The following SUPT5H variants were observed in gnomAD, a reference collection of about 807,000 sequenced individuals.
SUPT5H encodes transcription elongation factor SPT5.
SUPT5H carries 24 observed loss-of-function variants against 142.5 expected under a neutral mutation model. The ratio of observed to expected loss-of-function variants is 0.17; its 90% CI spans 0.12 to 0.24. The LOEUF (loss-of-function observed/expected upper bound fraction) is 0.24, where lower values mean the gene tolerates loss of function less well. Among genes scored for constraint, SUPT5H ranks in the 10% least tolerant of loss-of-function variants. SUPT5H has a pLI of 1.00. For synonymous variants in SUPT5H, 546 were observed against 553.0 expected (o/e 0.99, Z 0.18); for missense variants, 893 against 1,471.8 (o/e 0.61, Z 6.43).
rs931426693 is a variant in SUPT5H, at chr19:39,474,861, G to A, written c.3024+143G>A. 3.2e-6 allele frequency: 3 copies of A among 930,654 alleles called. No homozygotes were observed. The highest frequency in any genetic ancestry group is 4.8e-6 in the Non-Finnish European group (3 of 622,398). The allele number at this position is 930,654 out of a possible 1,614,324, so 57.6% of individuals were successfully genotyped here. On this transcript the variant is annotated intron_variant, in intron 28 of 29. Coordinates refer to ENST00000432763, the MANE Select transcript of SUPT5H (RefSeq NM_001111020.3). The surrounding 1 kb of genome is among the most constrained non-coding windows in gnomAD (Gnocchi z 6.5). ...AAGCCTAGAGGGCAAGGGGAGCTAT[G>A]TGAACCCAAAGGAGGCATCTTACCT... is the stretch of plus-strand genomic sequence containing the variant.
At position 39,473,338 on chromosome 19, in the gene SUPT5H, C is replaced by A; in HGVS notation, c.2386+8C>A. 6.2e-7 allele frequency: 1 copy of A among 1,613,670 alleles called. No homozygotes were observed. The highest frequency in any genetic ancestry group is 8.5e-7 in the Non-Finnish European group (1 of 1,179,920). On this transcript the variant is annotated splice_region_variant and intron_variant, in intron 24 of 29. Coordinates refer to ENST00000432763, the MANE Select transcript of SUPT5H (RefSeq NM_001111020.3). This position sits in a 1 kb window ranked among gnomAD's most constrained non-coding sequence, Gnocchi z 5.8. ...AGACACCCCTCCAGGATGGTGAGTG[C>A]CCGCAGGGGACAGGGAAGAGGGGCT...
intron 2 of SUPT5H, among the ~76,000 whole-genome samples, chr19:39,446,239 T>C (rs1600688599): frequency 6.6e-6 from 1 of 152,290 alleles, no homozygotes. Context: ...TTTTTTTTTT[T>C]AGTTATGTCT....
chr19:39,462,776 C>G (rs1600711711), intron 10 of SUPT5H, among the ~76,000 whole-genome samples: 1 of 151,558 alleles, frequency 6.6e-6, no homozygotes, highest in Non-Finnish European at 1.5e-5. Context: ...GGTGATCGGC[C>G]CACCTCGGCC....
intron 10 of SUPT5H, among the ~76,000 whole-genome samples, chr19:39,463,934 A>G (rs1036020598): frequency 6.6e-6 from 1 of 151,442 alleles, no homozygotes; most frequent in East Asian, 1.9e-4. Flanking sequence ...TTTGTCTTAA[A>G]GTATATTTTG....
intron 9 of SUPT5H, 49 bp from the exon 10 acceptor site, chr19:39,459,843 C>A: frequency 6.3e-7 from 1 of 1,597,218 alleles, no homozygotes; most frequent in South Asian, 1.1e-5. Flanking sequence ...TTTCCTGTGT[C>A]CTTTCCTCCA....
intron 3 of SUPT5H, among the ~76,000 whole-genome samples, chr19:39,455,457 G>A (rs2079075188): frequency 6.6e-6 from 1 of 151,826 alleles, no homozygotes; most frequent in Non-Finnish European, 1.5e-5. Flanking sequence ...AGCTACTTGG[G>A]AGGCTGAGGC....
rs771135422 is a variant in SUPT5H, at chr19:39,472,576, G to T, written c.2035+83G>T. The T allele has an allele frequency of 8.6e-6, 13 of 1,511,920 alleles. No homozygotes were observed. The highest frequency in any genetic ancestry group is 1.2e-5 in the Non-Finnish European group (13 of 1,097,484). 93.7% of individuals were successfully genotyped at this position (1,511,920 alleles called of 1,614,324 possible). On this transcript the variant is annotated intron_variant, in intron 21 of 29. Coordinates refer to ENST00000432763, the MANE Select transcript of SUPT5H (RefSeq NM_001111020.3). The surrounding 1 kb of genome is among the most constrained non-coding windows in gnomAD (Gnocchi z 4.2). ...GTTGTTCAGCCTACACTCACTGAGT[G>T]CCTGTGCTGGGCTGGGCACTGCTAT...
chr19:39,473,898 G>A lies in SUPT5H; in HGVS notation c.2493-65G>A. The A allele has an allele frequency of 2.5e-6, 4 of 1,605,276 alleles. No individual in the cohort carries two copies. Among genetic ancestry groups the A allele is most frequent in the Non-Finnish European group, 3.4e-6 (4 of 1,172,802 alleles). ...TTCAGTTGGGGGTCTGGTGTAGGGTGCTGTTCTGGAAGCATCCATCGCATT... is the reference window on the plus strand; with the variant it reads ...TTCAGTTGGGGGTCTGGTGTAGGGTACTGTTCTGGAAGCATCCATCGCATT... On this transcript the variant is annotated intron_variant, in intron 25 of 29. Coordinates refer to ENST00000432763, the MANE Select transcript of SUPT5H (RefSeq NM_001111020.3). The surrounding 1 kb of genome is among the most constrained non-coding windows in gnomAD (Gnocchi z 5.8).
Position 39,458,547 on chromosome 19 carries a change from G to C in SUPT5H, c.319+242G>C. 4.9e-6 allele frequency: 4 copies of C among 816,106 alleles called. No homozygotes were observed. Among genetic ancestry groups the C allele is most frequent in the Non-Finnish European group, 7.7e-6 (4 of 520,228 alleles). 50.6% of individuals were successfully genotyped at this position (816,106 alleles called of 1,614,324 possible). ...CATTTGTGGGTGGTAGCGATGTGTG[G>C]GGTGGGGTGCAGTCCAGGGTGTGCC... On this transcript the variant is annotated intron_variant, in intron 5 of 29. Transcript: ENST00000432763. This position sits in a 1 kb window ranked among gnomAD's most constrained non-coding sequence, Gnocchi z 4.2.
At chr19:39,467,244 G>T (rs761076637) in intron 13 of SUPT5H, among the ~76,000 whole-genome samples, 1 of 151,904 alleles carries the variant, frequency 6.6e-6, no homozygotes, top group Non-Finnish European at 1.5e-5. Context: ...TTAGCCAAGG[G>T]TTGTGGTCAG....
rs975108142 is a variant in SUPT5H at position 39,473,937 on chromosome 19, C to A, written c.2493-26C>A. On this transcript the variant is annotated intron_variant, in intron 25 of 29. Transcript: ENST00000432763. This position sits in a 1 kb window ranked among gnomAD's most constrained non-coding sequence, Gnocchi z 5.8. ...ATCCATCGCATTATCACCACAGTCG[C>A]TGTCAACAGACTTTTCTCCCAACAG... 1 of 1,613,684 alleles carries A rather than the reference C, an allele frequency of 6.2e-7. No homozygotes were observed. Among genetic ancestry groups the A allele is most frequent in the Non-Finnish European group, 8.5e-7 (1 of 1,179,954 alleles).
Position 39,466,434 on chromosome 19 carries a change from A to C in SUPT5H, c.877-46A>C, listed in dbSNP as rs777946443. The C allele has an allele frequency of 3.5e-4, 539 of 1,554,296 alleles. No individual in the cohort carries two copies. Among genetic ancestry groups the C allele is most frequent in the Non-Finnish European group, 3.9e-4 (434 of 1,127,270 alleles). On this transcript the variant is annotated intron_variant, in intron 11 of 29. Coordinates refer to ENST00000432763, the MANE Select transcript of SUPT5H (RefSeq NM_001111020.3). This position sits in a 1 kb window ranked among gnomAD's most constrained non-coding sequence, Gnocchi z 4.3. The stretch of plus-strand genomic sequence containing the variant: ...CCTGACCCTTCTTGTGTCTGGGGTC[A>C]GGGAGGAGAGTGGGGCCCTGCTGAC...
chr19:39,446,490 A>G (rs1232338006), intron 2 of SUPT5H, among the ~76,000 whole-genome samples: 1 of 152,204 alleles, frequency 6.6e-6, no homozygotes, highest in East Asian at 1.9e-4. Flanking sequence ...CTGAGGGGTG[A>G]CATTTGAGCA....
Position 39,476,331 on chromosome 19 carries a change from C to T in SUPT5H, c.3196C>T (p.Arg1066Cys). ...LSIDGEDGIVRMDLDEQLKIL... is the reference protein window; with the variant it reads ...LSIDGEDGIVCMDLDEQLKIL... ...CATTGATGGTGAGGATGGCATTGTC[C>T]GTATGGACCTTGATGAGCAGCTCAA... Residue 1066 changes from arginine to cysteine, a missense_variant, in exon 30 of 30, where the codon CGT becomes TGT. Arg to Cys is a radical substitution (Grantham distance 180). Coordinates refer to ENST00000432763, the MANE Select transcript of SUPT5H (RefSeq NM_001111020.3). 1 of 1,614,070 alleles carries T rather than the reference C, an allele frequency of 6.2e-7. No individual in the cohort carries two copies. Among genetic ancestry groups the T allele is most frequent in the Non-Finnish European group, 8.5e-7 (1 of 1,180,012 alleles).
At chr19:39,461,821 C>CAAAAAAAAA (rs747295729) in intron 10 of SUPT5H, among the ~76,000 whole-genome samples, 1 of 128,414 alleles carries the variant, frequency 7.8e-6, no homozygotes, top group Non-Finnish European at 1.7e-5. Flanking sequence ...GAGACTGTCT[C>CAAAAAAAAA]AAAAAAAAAA....
chr19:39,457,974 C>T (rs1443864706), intron 4 of SUPT5H: 3 of 836,982 alleles, frequency 3.6e-6, no homozygotes, highest in Non-Finnish European at 5.8e-6. Context: ...TCTGGGATCC[C>T]AGGGCCCAGT....
chr19:39,470,061 A>C lies in SUPT5H; in HGVS notation c.1375-58A>C, dbSNP rs530747842. On this transcript the variant is annotated intron_variant, in intron 16 of 29. Coordinates refer to ENST00000432763, the MANE Select transcript of SUPT5H (RefSeq NM_001111020.3). The surrounding 1 kb of genome is among the most constrained non-coding windows in gnomAD (Gnocchi z 5.8). ...CGTAGATTCTGAAGACAGGAGGGGC[A>C]GGCAGGTTGTGGTGGTCTCCCTTCA... The C allele has an allele frequency of 3.0e-5, 47 of 1,574,066 alleles. 2 individuals carry two copies. The South Asian group carries it at 5.0e-4, about 17-fold the overall frequency.
Position 39,472,203 on chromosome 19 carries a change from A to G in SUPT5H, c.1951-206A>G, listed in dbSNP as rs972984263. 1.3e-5 allele frequency among the ~76,000 whole-genome samples: 2 copies of G among 152,064 alleles called. No individual in the cohort carries two copies. The highest frequency in any genetic ancestry group is 2.4e-5 in the African/African-American group (1 of 41,392). ...GACCTGAATGAAGGGATGGAGAGTG[A>G]GCATTTTGGGGGAACAGCAAGTGCA... On this transcript the variant is annotated intron_variant, in intron 20 of 29. Transcript: ENST00000432763. This position sits in a 1 kb window ranked among gnomAD's most constrained non-coding sequence, Gnocchi z 4.2.
In SUPT5H at chr19:39,470,684, A is replaced by T. The variant is rs2079307031; in HGVS notation, c.1677+161A>T. 6.6e-6 allele frequency among the ~76,000 whole-genome samples: 1 copy of T among 152,158 alleles called. No homozygotes were observed. Among genetic ancestry groups the T allele is most frequent in the African/African-American group, 2.4e-5 (1 of 41,426 alleles). On this transcript the variant is annotated intron_variant, in intron 18 of 29. Transcript: ENST00000432763. The surrounding 1 kb of genome is among the most constrained non-coding windows in gnomAD (Gnocchi z 5.8). ...GCTGATAGTGGGCACATGGCAAGTCATTGATCCCTCCCCTTGCCTGTTTTC... is the reference window on the plus strand; with the variant it reads ...GCTGATAGTGGGCACATGGCAAGTCTTTGATCCCTCCCCTTGCCTGTTTTC...
Sources: allele counts gnomAD v4.1 joint callset (sites outside exome capture counted in the v4.1 genomes callset), GRCh38; gene constraint gnomAD v4.1.1; non-coding constraint Gnocchi (gnomAD v3.1); transcripts MANE v1.5; gene names NCBI Gene and HGNC (gene_info 2026-07-23, HGNC 2026-07-21).